PTPN13: variants seen among roughly 807,000 people sequenced by gnomAD.
PTPN13 encodes tyrosine-protein phosphatase non-receptor type 13.
In PTPN13, 191 loss-of-function variants were observed where a neutral mutation model predicts 284.0. The ratio of observed to expected loss-of-function variants is 0.67; its 90% CI spans 0.60 to 0.76. PTPN13 has a LOEUF of 0.76. PTPN13 is among the 30% of genes least tolerant of loss of function. PTPN13 has a pLI of 0.00. For missense variants in PTPN13, 2,797 were observed against 2,939.9 expected (o/e 0.95, Z 1.12); for synonymous variants, 986 against 1,022.3 (o/e 0.96, Z 0.68).
intron 37 of PTPN13, among the ~76,000 whole-genome samples, chr4:86,783,961 T>C (rs1305972247): frequency 1.3e-5 from 2 of 152,048 alleles, no homozygotes; most frequent in Non-Finnish European, 2.9e-5. Flanking sequence ...TTATACCTAA[T>C]AGATTATCAG....
intron 43 of PTPN13, among the ~76,000 whole-genome samples, chr4:86,804,516 G>T (rs1181876358): frequency 6.6e-6 from 1 of 152,106 alleles, no homozygotes; most frequent in African/African-American, 2.4e-5. Flanking sequence ...AGTAATTAAG[G>T]TATACTCTTC....
intron 17 of PTPN13, among the ~76,000 whole-genome samples, chr4:86,745,715 G>A (rs1229022382): frequency 6.6e-6 from 1 of 152,052 alleles, no homozygotes; most frequent in Admixed American, 6.6e-5. Flanking sequence ...GGCGGAGGTT[G>A]CAGTGAGCTG....
intron 1 of PTPN13, among the ~76,000 whole-genome samples, chr4:86,623,722 T>C (rs952374167): frequency 2.0e-5 from 3 of 152,232 alleles, no homozygotes; most frequent in African/African-American, 7.2e-5. Context: ...GCCCAGAATG[T>C]TCTTTCCTAT....
At chr4:86,633,449 C>T (rs973427648) in intron 1 of PTPN13, among the ~76,000 whole-genome samples, 2 of 152,098 alleles carry the variant, frequency 1.3e-5, no homozygotes, top group Admixed American at 6.6e-5. Context: ...TCAAGGACTC[C>T]CAGGGGTCCC....
At chr4:86,787,891 T>A (rs1742173189) in intron 40 of PTPN13, among the ~76,000 whole-genome samples, 3 of 152,172 alleles carry the variant, frequency 2.0e-5, no homozygotes, top group Non-Finnish European at 2.9e-5. Flanking sequence ...TGTTAATGAA[T>A]TTTAGATTTC....
At chr4:86,633,467 C>G (rs1722682323) in intron 1 of PTPN13, among the ~76,000 whole-genome samples, 1 of 152,186 alleles carries the variant, frequency 6.6e-6, no homozygotes, top group South Asian at 2.1e-4. Context: ...CCCATTAAAG[C>G]TTCTTTCACT....
intron 3 of PTPN13, among the ~76,000 whole-genome samples, chr4:86,679,037 T>C (rs1279377665): frequency 6.6e-6 from 1 of 152,252 alleles, no homozygotes; most frequent in Admixed American, 6.5e-5. Flanking sequence ...CTCCTGAGGA[T>C]GGCCTTCAAG....
chr4:86,778,817 AAAG>A (rs1324687923), intron 35 of PTPN13, among the ~76,000 whole-genome samples: 1 of 152,080 alleles, frequency 6.6e-6, no homozygotes, highest in Non-Finnish European at 1.5e-5. Context: ...ACACACAAAA[AAAG>A]CTACCTCAGG....
chr4:86,763,917 AG>A (rs1418886255), intron 24 of PTPN13, among the ~76,000 whole-genome samples: 2 of 152,146 alleles, frequency 1.3e-5, no homozygotes, highest in Non-Finnish European at 2.9e-5. Flanking sequence ...AAGGAAGGGA[AG>A]AAAGAGAGTA....
intron 2 of PTPN13, among the ~76,000 whole-genome samples, chr4:86,667,324 A>G (rs557936354): frequency 3.9e-5 from 6 of 152,338 alleles, no homozygotes; most frequent in Admixed American, 2.6e-4. Context: ...ACATTATTGT[A>G]GATATCAATT....
At chr4:86,693,723 G>A (rs1211062928) in intron 6 of PTPN13, 49 bp downstream of exon 6, 18 of 1,319,216 alleles carry the variant, frequency 1.4e-5, no homozygotes, top group Admixed American at 2.5e-5. Context: ...TTATCCCATT[G>A]TTTTCTTTAC....
intron 3 of PTPN13, among the ~76,000 whole-genome samples, chr4:86,679,130 G>A (rs1484498443): frequency 1.3e-5 from 2 of 152,152 alleles, no homozygotes; most frequent in Non-Finnish European, 2.9e-5. Flanking sequence ...TAGTGTCTGA[G>A]ATATGCCACA....
chr4:86,655,608 T>C (rs1210888088), intron 2 of PTPN13, among the ~76,000 whole-genome samples: 1 of 152,204 alleles, frequency 6.6e-6, no homozygotes. Flanking sequence ...TGCTGAGAGA[T>C]CAGCTGTTAG....
intron 1 of PTPN13, among the ~76,000 whole-genome samples, chr4:86,627,049 C>G (rs1053368546): frequency 1.3e-5 from 2 of 152,032 alleles, no homozygotes; most frequent in Non-Finnish European, 2.9e-5. Flanking sequence ...GAAATCCTGT[C>G]ACATGCTATA....
intron 1 of PTPN13, chr4:86,595,874 T>C: frequency 9.2e-6 from 5 of 545,582 alleles, no homozygotes; most frequent in Non-Finnish European, 1.2e-5. Flanking sequence ...GCATGTATTA[T>C]GAAACAAGCT....
chr4:86,702,020 C>T (rs1731220823), intron 7 of PTPN13, among the ~76,000 whole-genome samples: 1 of 152,038 alleles, frequency 6.6e-6, no homozygotes, highest in South Asian at 2.1e-4. Context: ...ATAAAAATGC[C>T]CAGTCACGTT....
intron 9 of PTPN13, among the ~76,000 whole-genome samples, chr4:86,719,603 T>C (rs1442534399): frequency 6.6e-6 from 1 of 152,180 alleles, no homozygotes; most frequent in Non-Finnish European, 1.5e-5. Context: ...AGTGTGTAAG[T>C]GTTCCCTTTT....
intron 9 of PTPN13, among the ~76,000 whole-genome samples, chr4:86,719,193 T>C (rs2149079654): frequency 6.6e-6 from 1 of 152,306 alleles, no homozygotes; most frequent in Non-Finnish European, 1.5e-5. Flanking sequence ...GAAGTTCTTA[T>C]CATTTAGCTC....
intron 2 of PTPN13, among the ~76,000 whole-genome samples, chr4:86,647,987 C>G (rs1724630843): frequency 6.6e-6 from 1 of 151,800 alleles, no homozygotes. Context: ...TGAATACAGG[C>G]AGAATAAAAA....
Sources: gnomAD v4.1 joint callset for allele counts (sites outside exome capture counted in the v4.1 genomes callset) on GRCh38, gnomAD v4.1.1 for gene constraint, MANE v1.5 for transcripts, NCBI Gene and HGNC (gene_info 2026-07-23, HGNC 2026-07-21) for gene names.